The following PNLDC1 variants were observed in gnomAD, a reference collection of about 807,000 sequenced individuals.
PNLDC1 encodes poly(A)-specific ribonuclease PNLDC1.
PNLDC1 carries 70 observed loss-of-function variants against 82.0 expected under a neutral mutation model. The ratio of observed to expected loss-of-function variants is 0.85; its 90% confidence interval spans 0.70 to 1.04. PNLDC1 has a LOEUF of 1.04. Ranked by LOEUF, PNLDC1 falls within the 50% of genes least tolerant of loss-of-function variation. The pLI, the probability that PNLDC1 is intolerant of heterozygous loss-of-function variation, is 0.00. For synonymous variants in PNLDC1, 280 were observed against 249.3 expected (o/e 1.12, Z -1.16); for missense variants, 631 against 661.1 (o/e 0.95, Z 0.50).
intron 3 of PNLDC1, 102 bp from the exon 4 acceptor site, chr6:159,803,169 G>C: frequency 2.9e-6 from 3 of 1,017,318 alleles, no homozygotes; most frequent in Non-Finnish European, 4.7e-6. Flanking sequence ...AGCCCACATA[G>C]TATCTGTGGG....
intron 18 of PNLDC1, 56 bp from the exon 19 acceptor site, chr6:159,820,398 G>A (rs1583188325): frequency 4.5e-6 from 7 of 1,554,626 alleles, no homozygotes; most frequent in African/African-American, 2.7e-5. Context: ...AGCCTGTGTC[G>A]GTGCCTCTCG....
At chr6:159,804,430 C>G (rs967973146) in intron 5 of PNLDC1, 119 bp from the exon 6 acceptor site, 44 of 721,610 alleles carry the variant, frequency 6.1e-5, no homozygotes, top group Non-Finnish European at 9.4e-5. Flanking sequence ...GTGATCTAGA[C>G]GAACTGGCTT....
Position 159,819,494 on chromosome 6 carries a change from C to T in PNLDC1, c.1532+142C>T. The T allele has an allele frequency of 2.8e-6, 2 of 707,586 alleles. No individual in the cohort carries two copies. Among genetic ancestry groups the T allele is most frequent in the Middle Eastern group, 3.9e-4 (1 of 2,572 alleles). 43.8% of individuals were successfully genotyped at this position (707,586 alleles called of 1,614,324 possible). On this transcript the variant is annotated intron_variant, in intron 18 of 18. Transcript: ENST00000392167. The surrounding 1 kb of genome is among the most constrained non-coding windows in gnomAD (Gnocchi z 4.6). Reference sequence around the variant, plus strand: ...GGGTTGTGTTGACGAGTGTGGTGCCCTGAATGTCCTTCAGTGATGCCGCGT... The same window carrying T: ...GGGTTGTGTTGACGAGTGTGGTGCCTTGAATGTCCTTCAGTGATGCCGCGT...
intron 9 of PNLDC1, 36 bp downstream of exon 9, chr6:159,809,194 A>G (rs1781562192): frequency 6.2e-7 from 1 of 1,604,794 alleles, no homozygotes; most frequent in Non-Finnish European, 8.5e-7. Context: ...GCCTAAAGGC[A>G]GTCTTTAGTA....
rs371171405 is a variant in PNLDC1, at chr6:159,819,155, C to T, written c.1433+34C>T. 3.8e-5 allele frequency: 61 copies of T among 1,610,610 alleles called. No individual in the cohort carries two copies. Among genetic ancestry groups the T allele is most frequent in the Middle Eastern group, 1.7e-4 (1 of 6,058 alleles). ...CTCTAAGTCCGCGTCCCCCACCCCT[C>T]GTGCGTTCATCCCTGTATCTCTCTG... On this transcript the variant is annotated intron_variant, in intron 17 of 18. Coordinates refer to ENST00000392167, the MANE Select transcript of PNLDC1 (RefSeq NM_001271862.2). The surrounding 1 kb of genome is among the most constrained non-coding windows in gnomAD (Gnocchi z 4.6).
At position 159,820,651 on chromosome 6, in the gene PNLDC1, G is replaced by A; in HGVS notation, c.*134G>A. 3 of 813,780 alleles carry A rather than the reference G, an allele frequency of 3.7e-6. No homozygotes were observed. The highest frequency in any genetic ancestry group is 6.1e-6 in the Non-Finnish European group (3 of 490,412). The allele number at this position is 813,780 out of a possible 1,614,324, so 50.4% of individuals were successfully genotyped here. A position where few individuals can be genotyped will look rare whatever the true frequency, so the allele number is the denominator to read the frequency against. ...TTTTCTAGAAATTCTGTTATGTCCT[G>A]AACGTGAAATTCTGTCAACACTCTC... On this transcript the variant is annotated 3_prime_UTR_variant, in exon 19 of 19. Transcript: ENST00000392167.
chr6:159,820,436 C>G lies in PNLDC1; in HGVS notation c.1533-18C>G. ...CTGCTGGGTGCCCCGGCCACTGACACGTGTCATTGTCTTGCAGAGTCTGTG... is the reference window on the plus strand; with the variant it reads ...CTGCTGGGTGCCCCGGCCACTGACAGGTGTCATTGTCTTGCAGAGTCTGTG... On this transcript the variant is annotated intron_variant, in intron 18 of 18. Coordinates refer to ENST00000392167, the MANE Select transcript of PNLDC1 (RefSeq NM_001271862.2). The G allele has an allele frequency of 1.2e-6, 2 of 1,613,842 alleles. No homozygotes were observed. Among genetic ancestry groups the G allele is most frequent in the Non-Finnish European group, 1.7e-6 (2 of 1,179,898 alleles).
Position 159,819,409 on chromosome 6 carries a change from C to A in PNLDC1, c.1532+57C>A. The A allele has an allele frequency of 7.0e-7, 1 of 1,433,938 alleles. No individual in the cohort carries two copies. The highest frequency in any genetic ancestry group is 9.7e-7 in the Non-Finnish European group (1 of 1,036,194). The allele number at this position is 1,433,938 out of a possible 1,614,324, so 88.8% of individuals were successfully genotyped here. A position where few individuals can be genotyped will look rare whatever the true frequency, so the allele number is the denominator to read the frequency against. On this transcript the variant is annotated intron_variant, in intron 18 of 18. Transcript: ENST00000392167. This position sits in a 1 kb window ranked among gnomAD's most constrained non-coding sequence, Gnocchi z 4.6. Reference sequence around the variant, plus strand: ...CTGGGGTCCTGGAGTGCCCGGGGTCCCAGCATCCCAGCATGGTCTGACTCG... The same window carrying A: ...CTGGGGTCCTGGAGTGCCCGGGGTCACAGCATCCCAGCATGGTCTGACTCG...
chr6:159,816,557 C>A lies in PNLDC1; in HGVS notation c.1075C>A (p.Pro359Thr). 1 of 1,613,816 alleles carries A rather than the reference C, an allele frequency of 6.2e-7. No individual in the cohort carries two copies. The highest frequency in any genetic ancestry group is 8.5e-7 in the Non-Finnish European group (1 of 1,179,936). ...RCEKYVETKCPHEAAYDAFLC... is the reference protein window; with the variant it reads ...RCEKYVETKCTHEAAYDAFLC... Reference sequence around the variant, plus strand: ...AAATGCCTCAGTTGAGACAAAGTGCCCCCACGAAGCCGCGTATGATGCCTT... The same window carrying A: ...AAATGCCTCAGTTGAGACAAAGTGCACCCACGAAGCCGCGTATGATGCCTT... The change falls in exon 14 of 19, where the codon CCC (proline) becomes ACC (threonine). Residue 359 changes from proline to threonine, a missense_variant. Transcript: ENST00000392167.
At chr6:159,811,008 C>T (rs1781628331) in intron 10 of PNLDC1, among the ~76,000 whole-genome samples, 1 of 152,124 alleles carries the variant, frequency 6.6e-6, no homozygotes, top group Non-Finnish European at 1.5e-5. Context: ...GCGCGTGGGG[C>T]GATACGGGCA....
chr6:159,816,629 AC>A, intron 14 of PNLDC1, 33 bp downstream of exon 14: 1 of 1,437,592 alleles, frequency 7.0e-7, no homozygotes, highest in Non-Finnish European at 9.1e-7. Context: ...AAGGAAACTC[AC>A]TTTTTTTTTT....
chr6:159,804,722 G>T (rs1781385990), intron 6 of PNLDC1, 85 bp downstream of exon 6: 2 of 1,002,882 alleles, frequency 2.0e-6, no homozygotes, highest in Admixed American at 2.0e-5. Context: ...GTTTCCAGGA[G>T]TGTGGTGACC....
chr6:159,815,234 G>A (rs762757345), intron 12 of PNLDC1, among the ~76,000 whole-genome samples: 2 of 152,226 alleles, frequency 1.3e-5, no homozygotes, highest in South Asian at 4.1e-4. Flanking sequence ...CCAAGGAACT[G>A]TGGTAGTAGC....
rs915907979 is a variant in PNLDC1 at position 159,800,314 on chromosome 6, G to A, written c.7G>A (p.Val3Met). The A allele has an allele frequency of 1.7e-5, 27 of 1,547,084 alleles. 1 individual carries two copies. The highest frequency in any genetic ancestry group is 4.5e-4 in the Middle Eastern group (2 of 4,418). Residue 3 changes from valine (V) to methionine (M), a missense_variant, in exon 1 of 19, where the codon GTG becomes ATG. Transcript: ENST00000392167. MD[V>M]GADEFEESLP... is the part of the protein sequence containing the mutation. ...TCCGCGGAGCTGCACGGCCATGGAC[G>A]TGGGCGCCGACGAGTTCGAGGAGAG...
intron 5 of PNLDC1, 150 bp from the exon 6 acceptor site, chr6:159,804,399 C>A: frequency 1.5e-6 from 1 of 650,980 alleles, no homozygotes; most frequent in Non-Finnish European, 2.7e-6. Flanking sequence ...CCACCGCACC[C>A]GGCCTGGGAA....
chr6:159,805,525 AT>A (rs1263962742), intron 6 of PNLDC1: 1 of 153,098 alleles, frequency 6.5e-6, no homozygotes, highest in Admixed American at 6.5e-5. Context: ...ACCTTCTTTC[AT>A]TTTCAAGAGT....
chr6:159,819,141 C>T lies in PNLDC1; in HGVS notation c.1433+20C>T, dbSNP rs373767667. The stretch of plus-strand genomic sequence containing the variant: ...TAAGGAGTAGGTGCCTCTAAGTCCG[C>T]GTCCCCCACCCCTCGTGCGTTCATC... On this transcript the variant is annotated intron_variant, in intron 17 of 18. Coordinates refer to ENST00000392167, the MANE Select transcript of PNLDC1 (RefSeq NM_001271862.2). This position sits in a 1 kb window ranked among gnomAD's most constrained non-coding sequence, Gnocchi z 4.6. 1.6e-5 allele frequency: 26 copies of T among 1,612,290 alleles called. 1 individual carries two copies. In the African/African-American group the frequency reaches 2.5e-4, roughly 16 times the overall value.
At position 159,819,277 on chromosome 6, in the gene PNLDC1, A is replaced by C. The variant is rs1204372198; in HGVS notation, c.1457A>C (p.Tyr486Ser). The C allele has an allele frequency of 6.2e-7, 1 of 1,613,804 alleles. No individual in the cohort carries two copies. The highest frequency in any genetic ancestry group is 1.3e-5 in the African/African-American group (1 of 74,890). Residue 486 changes from tyrosine (Y) to serine (S), a missense_variant, in exon 18 of 19, where the codon TAC becomes TCC. By Grantham distance (144) the Tyr-to-Ser change is moderately radical. Transcript: ENST00000392167. The surrounding 1 kb of genome is among the most constrained non-coding windows in gnomAD (Gnocchi z 4.6). ...FKDARNILKE[Y>S]RDHPTLCISL... The stretch of plus-strand genomic sequence containing the variant: ...AGTGCGCGGAACATCCTGAAGGAGT[A>C]CCGGGACCACCCGACCCTGTGCATC...
chr6:159,813,569 G>A (rs368587645), intron 11 of PNLDC1, 32 bp from the exon 12 acceptor site: 114 of 1,586,080 alleles, frequency 7.2e-5, no homozygotes, highest in Non-Finnish European at 4.0e-5. Flanking sequence ...AAGCGCAAAT[G>A]TTTTCCTCTG....
Sources: allele counts gnomAD v4.1 joint callset (sites outside exome capture counted in the v4.1 genomes callset), GRCh38; gene constraint gnomAD v4.1.1; non-coding constraint Gnocchi (gnomAD v3.1); transcripts MANE v1.5; gene names NCBI Gene and HGNC (gene_info 2026-07-23, HGNC 2026-07-21).